PVT1: variants seen among roughly 807,000 people sequenced by gnomAD.
PVT1 encodes Pvt1 oncogene.
At chr8:127,909,999 A>G (rs1486490644) in intron 3 of PVT1, among the ~76,000 whole-genome samples, 2 of 151,966 alleles carry the variant, frequency 1.3e-5, no homozygotes, top group Non-Finnish European at 2.9e-5. Context: ...CCAGAGTGGG[A>G]GGCAATTTTT....
intron 4 of PVT1, among the ~76,000 whole-genome samples, chr8:128,055,549 G>T (rs1270500404): frequency 6.6e-6 from 1 of 152,206 alleles, no homozygotes; most frequent in East Asian, 1.9e-4. Flanking sequence ...CCATGTAGCT[G>T]CATGAATCAG....
intron 4 of PVT1, among the ~76,000 whole-genome samples, chr8:128,040,109 C>T (rs199696744): frequency 2.4e-4 from 37 of 152,330 alleles, no homozygotes; most frequent in African/African-American, 8.9e-4. Flanking sequence ...GCTGCATGTA[C>T]AGATCCAGAG....
intron 4 of PVT1, among the ~76,000 whole-genome samples, chr8:127,997,251 G>A (rs749889401): frequency 4.0e-5 from 6 of 151,830 alleles, no homozygotes; most frequent in Admixed American, 3.9e-4. Flanking sequence ...GTGTTGGTCA[G>A]GCTGGTCTCG....
intron 4 of PVT1, among the ~76,000 whole-genome samples, chr8:128,020,643 C>G (rs1437936194): frequency 6.6e-6 from 1 of 152,210 alleles, no homozygotes; most frequent in Non-Finnish European, 1.5e-5. Context: ...TCCGCTGTCA[C>G]CTTGAATTCA....
At chr8:128,064,004 G>A (rs1813867451) in intron 4 of PVT1, among the ~76,000 whole-genome samples, 1 of 152,016 alleles carries the variant, frequency 6.6e-6, no homozygotes, top group Non-Finnish European at 1.5e-5. Flanking sequence ...AAAGATTAAA[G>A]AAAACCCCCA....
At chr8:127,826,538 C>A (rs1282651945) in intron 2 of PVT1, among the ~76,000 whole-genome samples, 9 of 152,156 alleles carry the variant, frequency 5.9e-5, no homozygotes, top group Admixed American at 5.9e-4. Flanking sequence ...CAAAGTAAGG[C>A]TCCAGATGGT....
intron 2 of PVT1, among the ~76,000 whole-genome samples, chr8:127,876,118 A>T (rs1257910677): frequency 6.6e-6 from 1 of 152,206 alleles, no homozygotes; most frequent in African/African-American, 2.4e-5. Flanking sequence ...GGTGGTGCTT[A>T]GGCACACTCA....
intron 3 of PVT1, among the ~76,000 whole-genome samples, chr8:127,935,089 C>T (rs1303413313): frequency 6.6e-6 from 1 of 152,072 alleles, no homozygotes; most frequent in Non-Finnish European, 1.5e-5. Flanking sequence ...GCCTCAGCCG[C>T]CGTAGTAGCT....
chr8:127,825,726 C>G (rs867340253), intron 2 of PVT1, among the ~76,000 whole-genome samples: 2 of 152,118 alleles, frequency 1.3e-5, no homozygotes, highest in Admixed American at 1.3e-4. Context: ...TGTTCCTAGC[C>G]GCGTCACTCA....
chr8:127,949,477 C>G (rs1278587759), intron 3 of PVT1, among the ~76,000 whole-genome samples: 1 of 150,196 alleles, frequency 6.7e-6, no homozygotes, highest in Non-Finnish European at 1.5e-5. Flanking sequence ...TTTCTTCCCT[C>G]CTGTTTTTGG....
intron 4 of PVT1, among the ~76,000 whole-genome samples, chr8:128,021,017 C>T (rs185180490): frequency 2.0e-5 from 3 of 152,284 alleles, no homozygotes; most frequent in East Asian, 1.9e-4. Context: ...GCAATGTGGG[C>T]CTTGGCTTCC....
intron 6 of PVT1, chr8:128,099,475 G>A (rs780441565): frequency 6.6e-6 from 1 of 152,270 alleles, no homozygotes; most frequent in Admixed American, 6.5e-5. Flanking sequence ...GCTCCACCTC[G>A]GTCCACGCCT....
chr8:127,827,261 G>T (rs1814801138), intron 2 of PVT1, among the ~76,000 whole-genome samples: 1 of 152,132 alleles, frequency 6.6e-6, no homozygotes, highest in South Asian at 2.1e-4. Context: ...CTCCAAAAGT[G>T]CTGGGATTAC....
chr8:128,026,787 T>C (rs1283052158), intron 4 of PVT1, among the ~76,000 whole-genome samples: 2 of 152,158 alleles, frequency 1.3e-5, no homozygotes, highest in African/African-American at 4.8e-5. Context: ...AGAACTGTAG[T>C]GTGCAAAGAA....
At chr8:127,855,254 G>A (rs1815148641) in intron 2 of PVT1, 1 of 398,676 alleles carries the variant, frequency 2.5e-6, no homozygotes, top group African/African-American at 2.1e-5. Flanking sequence ...GTGAAGCCCT[G>A]AGGGATTTCA....
At chr8:127,975,414 T>C (rs1816813082) in intron 3 of PVT1, among the ~76,000 whole-genome samples, 1 of 152,208 alleles carries the variant, frequency 6.6e-6, no homozygotes. Flanking sequence ...ATTTTCTTTT[T>C]TGCCTCTGTG....
At chr8:128,053,645 G>A (rs1813726252) in intron 4 of PVT1, among the ~76,000 whole-genome samples, 1 of 152,118 alleles carries the variant, frequency 6.6e-6, no homozygotes, top group African/African-American at 2.4e-5. Context: ...GAGGCAGCAT[G>A]TTTATGAGAC....
chr8:127,868,784 T>TATATACACGTATATATATATGTATATAC (rs1815316174), intron 2 of PVT1, among the ~76,000 whole-genome samples: 1 of 84,194 alleles, frequency 1.2e-5, no homozygotes, highest in Non-Finnish European at 2.0e-5. Flanking sequence ...TATATATATA[T>TATATACACGTATATATATATGTATATAC]ATATATATAC....
At chr8:127,964,935 C>T (rs907550581) in intron 3 of PVT1, among the ~76,000 whole-genome samples, 1 of 152,206 alleles carries the variant, frequency 6.6e-6, no homozygotes, top group Non-Finnish European at 1.5e-5. Context: ...CATGGGATTA[C>T]AGGCGTGAGC....
Sources: gnomAD v4.1 joint callset for allele counts (sites outside exome capture counted in the v4.1 genomes callset) on GRCh38, gnomAD v4.1.1 for gene constraint, MANE v1.5 for transcripts, NCBI Gene and HGNC (gene_info 2026-07-23, HGNC 2026-07-21) for gene names.